Variants in SLC14A2 observed in about 807,000 individuals in gnomAD.
The protein encoded by SLC14A2 is solute carrier family 14 member 2.
Under a neutral mutation model 104.6 loss-of-function variants are expected in SLC14A2, and 91 were observed. The observed-to-expected ratio is 0.87, with a 90% CI of 0.73 to 1.04. The LOEUF (loss-of-function observed/expected upper bound fraction) is 1.04. Ranked by LOEUF, SLC14A2 falls within the 50% of genes least tolerant of loss-of-function variation. SLC14A2 has a pLI of 0.00. For synonymous variants in SLC14A2, 476 were observed against 466.4 expected, an observed-to-expected ratio of 1.02 and a Z score of -0.27; for missense variants, 1,189 against 1,156.0, an observed-to-expected ratio of 1.03 and a Z score of -0.41.
rs368943495 is a variant in SLC14A2, at chr18:45,278,283, C to T, written c.-125+65092C>T. ...CTGTTAAGACAGGGTTTCTCAATAT[C>T]GACACTACTGATATTTGGGGTCGGA... On this transcript the variant is annotated intron_variant, in intron 1 of 20. Transcript: ENST00000586448. Among the ~76,000 whole-genome samples, 28 of 152,210 alleles carry T rather than the reference C, an allele frequency of 1.8e-4. No individual in the cohort carries two copies. In the South Asian group the frequency reaches 4.8e-3, roughly 26 times the overall value.
At chr18:45,632,835 G>A (rs1345361273) in intron 5 of SLC14A2, among the ~76,000 whole-genome samples, 4 of 151,982 alleles carry the variant, frequency 2.6e-5, no homozygotes, top group Admixed American at 1.3e-4. Context: ...CCGCCACCAC[G>A]CCCAGCTAAT....
At chr18:45,220,040 G>C (rs1438536988) in intron 1 of SLC14A2, among the ~76,000 whole-genome samples, 1 of 152,208 alleles carries the variant, frequency 6.6e-6, no homozygotes, top group East Asian at 1.9e-4. Context: ...ATGCTACTTT[G>C]TTTTCTGACA....
intron 11 of SLC14A2, among the ~76,000 whole-genome samples, chr18:45,665,688 C>CTTTTTTTTTTTTTTTTTTTT (rs146248418): frequency 7.6e-5 from 6 of 79,294 alleles, no homozygotes; most frequent in African/African-American, 1.7e-4. Flanking sequence ...AACCAAGTTT[C>CTTTTTTTTTTTTTTTTTTTT]TTTTTTTTTT....
chr18:45,197,959 C>T, the SLC14A2 span, among the ~76,000 whole-genome samples: 2 of 152,096 alleles, frequency 1.3e-5, no homozygotes, highest in African/African-American at 4.8e-5. Context: ...AAAGTCATTT[C>T]TAAAGGCCCC....
At chr18:45,211,024 T>G (rs1479177920), upstream of SLC14A2, among the ~76,000 whole-genome samples, 1 of 152,192 alleles carries the variant, frequency 6.6e-6, no homozygotes, top group Non-Finnish European at 1.5e-5. Context: ...CAACAGGCAA[T>G]GTTTTCCTAT....
intron 1 of SLC14A2, among the ~76,000 whole-genome samples, chr18:45,446,036 C>A (rs2086763888): frequency 6.6e-6 from 1 of 152,150 alleles, no homozygotes; most frequent in African/African-American, 2.4e-5. Flanking sequence ...ATATAATTTT[C>A]TCCAAAATCT....
intron 1 of SLC14A2, among the ~76,000 whole-genome samples, chr18:45,257,928 C>T (rs967577273): frequency 3.3e-5 from 5 of 152,154 alleles, no homozygotes; most frequent in Admixed American, 6.5e-5. Context: ...ACAACTAGTA[C>T]GCACAAGGAC....
At chr18:45,251,420 C>A (rs919570234) in intron 1 of SLC14A2, among the ~76,000 whole-genome samples, 3 of 152,196 alleles carry the variant, frequency 2.0e-5, no homozygotes, top group African/African-American at 7.2e-5. Context: ...CCCAAACTAC[C>A]CTCTTGGTCA....
At position 45,283,146 on chromosome 18, in the gene SLC14A2, C is replaced by T. The variant is rs2084779913; in HGVS notation, c.-125+69955C>T. 2.6e-5 allele frequency among the ~76,000 whole-genome samples: 4 copies of T among 152,132 alleles called. No homozygotes were observed. The South Asian group carries it at 8.3e-4, about 32-fold the overall frequency. Reference sequence around the variant, plus strand: ...CTGAGACTTCTATAAGCCCAAAGTGCCCAGACACTGACTTAATACCCGCTC... The same window carrying T: ...CTGAGACTTCTATAAGCCCAAAGTGTCCAGACACTGACTTAATACCCGCTC... On this transcript the variant is annotated intron_variant, in intron 1 of 20. Transcript: ENST00000586448.
At chr18:45,585,083 TG>T (rs915734553) in intron 2 of SLC14A2, among the ~76,000 whole-genome samples, 2 of 152,188 alleles carry the variant, frequency 1.3e-5, no homozygotes, top group African/African-American at 2.4e-5. Flanking sequence ...CACCTTCCAG[TG>T]GCTTCCCATC....
intron 1 of SLC14A2, among the ~76,000 whole-genome samples, chr18:45,407,173 T>C (rs893166616): frequency 3.3e-5 from 5 of 152,222 alleles, no homozygotes; most frequent in African/African-American, 1.2e-4. Flanking sequence ...GTTTAGTGTA[T>C]CCACCTTCAT....
chr18:45,354,225 G>A (rs1002709646), intron 1 of SLC14A2, among the ~76,000 whole-genome samples: 6 of 152,172 alleles, frequency 3.9e-5, no homozygotes, highest in African/African-American at 1.2e-4. Flanking sequence ...ATGTTCCCGG[G>A]ATCACCAGTC....
chr18:45,639,657 C>T, intron 6 of SLC14A2, 89 bp from the exon 7 acceptor site: 2 of 1,307,070 alleles, frequency 1.5e-6, no homozygotes, highest in Non-Finnish European at 2.2e-6. Flanking sequence ...CTCCATTACT[C>T]CCCCGAGGAA....
At chr18:45,430,269 C>T (rs1021274198) in intron 1 of SLC14A2, among the ~76,000 whole-genome samples, 3 of 152,210 alleles carry the variant, frequency 2.0e-5, no homozygotes, top group Admixed American at 6.5e-5. Flanking sequence ...GAACAAAAAA[C>T]AAGTTTCCAA....
intron 1 of SLC14A2, among the ~76,000 whole-genome samples, chr18:45,619,846 C>T (rs1367389410): frequency 5.9e-5 from 9 of 152,120 alleles, no homozygotes; most frequent in Non-Finnish European, 1.2e-4. Context: ...TTTGGGAGCA[C>T]GAGAAGAGGG....
At chr18:45,195,392 A>C in the SLC14A2 span, among the ~76,000 whole-genome samples, 5 of 150,986 alleles carry the variant, frequency 3.3e-5, no homozygotes, top group East Asian at 7.9e-4. Context: ...TTGGGGAATA[A>C]GAATTTTTTT....
In SLC14A2 at chr18:45,641,063, AT is replaced by A. The variant is rs1165867811; in HGVS notation, c.992-143del. 1.4e-4 allele frequency: 104 copies of A among 734,318 alleles called. No individual in the cohort carries two copies. In the African/African-American group the frequency reaches 1.6e-3, roughly 11 times the overall value. 45.5% of individuals were successfully genotyped at this position (734,318 alleles called of 1,614,324 possible). ...TGAAGGTCTCCTAAGACCGGATGCCATTTGTAGAGGCTCTTTTGATGGGCAG... is the reference window on the plus strand; with the variant it reads ...TGAAGGTCTCCTAAGACCGGATGCCATTGTAGAGGCTCTTTTGATGGGCAG... On this transcript the variant is annotated intron_variant, in intron 7 of 19. Coordinates refer to ENST00000255226, the MANE Select transcript of SLC14A2 (RefSeq NM_007163.4).
At chr18:45,235,938 T>C (rs1442486894) in intron 1 of SLC14A2, among the ~76,000 whole-genome samples, 1 of 110,854 alleles carries the variant, frequency 9.0e-6, no homozygotes, top group South Asian at 2.6e-4. Context: ...TATGTATATA[T>C]ACATATATGT....
At chr18:45,586,921 TATC>T (rs1178005722) in intron 2 of SLC14A2, among the ~76,000 whole-genome samples, 1 of 152,062 alleles carries the variant, frequency 6.6e-6, no homozygotes, top group East Asian at 1.9e-4. Context: ...TTTAAGAACT[TATC>T]ATAGAATATG....
Sources: allele counts gnomAD v4.1 joint callset (sites outside exome capture counted in the v4.1 genomes callset), GRCh38; gene constraint gnomAD v4.1.1; transcripts MANE v1.5; gene names NCBI Gene and HGNC (gene_info 2026-07-23, HGNC 2026-07-21).